Variants in INTS4 observed in about 807,000 individuals in gnomAD.
The protein encoded by INTS4 is MSTP093.
A neutral mutation model predicts 119.5 loss-of-function variants in INTS4; 70 were observed. The observed-to-expected ratio is 0.59, with a 90% CI of 0.48 to 0.71. INTS4 has a LOEUF of 0.71. Ranked by LOEUF, INTS4 falls within the 30% of genes least tolerant of loss-of-function variation. INTS4 has a pLI of 0.00. For missense variants in INTS4, 867 were observed against 1,173.2 expected (o/e 0.74, Z 3.81); for synonymous variants, 316 against 419.6 (o/e 0.75, Z 3.02).
chr11:77,993,274 C>T (rs372796466), intron 1 of INTS4, among the ~76,000 whole-genome samples: 1 of 152,144 alleles, frequency 6.6e-6, no homozygotes, highest in South Asian at 2.1e-4. Context: ...TAGATTAGTA[C>T]CACAGAATGC....
At chr11:77,983,746 A>G (rs1856336141) in intron 2 of INTS4, among the ~76,000 whole-genome samples, 1 of 152,224 alleles carries the variant, frequency 6.6e-6, no homozygotes, top group South Asian at 2.1e-4. Flanking sequence ...AAAACAGCAA[A>G]GCCACTGTGG....
chr11:77,886,081 C>A (rs934251721), intron 21 of INTS4, among the ~76,000 whole-genome samples: 3 of 151,836 alleles, frequency 2.0e-5, no homozygotes, highest in South Asian at 2.1e-4. Flanking sequence ...TGGTGTGTAT[C>A]TCTAGTTCCA....
chr11:77,923,576 C>A (rs1953419057), intron 12 of INTS4, among the ~76,000 whole-genome samples: 1 of 151,944 alleles, frequency 6.6e-6, no homozygotes, highest in African/African-American at 2.4e-5. Flanking sequence ...TTTTCATCTA[C>A]AAAATGAGAT....
intron 2 of INTS4, chr11:77,987,011 T>TA (rs1393211987): frequency 6.6e-6 from 1 of 152,136 alleles, no homozygotes; most frequent in African/African-American, 2.4e-5. Context: ...CTTCACCACT[T>TA]AAAGATATAA....
chr11:77,889,263 A>G (rs1246445809), intron 21 of INTS4, among the ~76,000 whole-genome samples: 1 of 152,082 alleles, frequency 6.6e-6, no homozygotes, highest in African/African-American at 2.4e-5. Flanking sequence ...TGATGAAACT[A>G]GAAACCATCA....
chr11:77,982,912 C>T (rs908333619), intron 2 of INTS4, among the ~76,000 whole-genome samples: 1 of 152,130 alleles, frequency 6.6e-6, no homozygotes, highest in African/African-American at 2.4e-5. Context: ...GGAGAAGGGG[C>T]AATAGATACA....
chr11:77,891,427 C>T lies in INTS4; in HGVS notation c.2484G>A (p.Ala828=), dbSNP rs749106537. 15 of 1,613,522 alleles carry T rather than the reference C, an allele frequency of 9.3e-6. No homozygotes were observed. The highest frequency in any genetic ancestry group is 8.8e-5 in the South Asian group (8 of 90,956). ...HKASATIIEP[A]GESDNPLRFT... is the part of the protein sequence containing the mutation. ...ACCGCAAAGGGTTGTCTGACTCGCCCGCTGGCTCGATGATGGTGGCTGAGG... is the reference window on the plus strand; with the variant it reads ...ACCGCAAAGGGTTGTCTGACTCGCCTGCTGGCTCGATGATGGTGGCTGAGG... The change falls in exon 21 of 23, where the codon GCG becomes GCA. Residue 828 remains alanine, a synonymous_variant. Transcript: ENST00000534064.
intron 22 of INTS4, among the ~76,000 whole-genome samples, chr11:77,881,540 G>T (rs552453894): frequency 6.6e-6 from 1 of 152,324 alleles, no homozygotes; most frequent in South Asian, 2.1e-4. Flanking sequence ...AGGTATGTGG[G>T]CCTCCATTTA....
At chr11:77,918,265 C>G (rs1429709172) in intron 15 of INTS4, 1 of 583,464 alleles carries the variant, frequency 1.7e-6, no homozygotes. Flanking sequence ...AACCTCGACT[C>G]TACAAAAAAA....
chr11:77,904,814 G>T (rs527461209), intron 16 of INTS4, among the ~76,000 whole-genome samples: 4 of 152,220 alleles, frequency 2.6e-5, no homozygotes, highest in Admixed American at 2.0e-4. Context: ...GCGTGTTTTG[G>T]GTTGTATGCA....
intron 8 of INTS4, among the ~76,000 whole-genome samples, chr11:77,942,739 G>A (rs1033663688): frequency 6.6e-6 from 1 of 152,134 alleles, no homozygotes; most frequent in African/African-American, 2.4e-5. Flanking sequence ...TGTTGGAGCA[G>A]GTCCTAGACA....
At chr11:77,973,553 GT>G (rs529525062) in intron 4 of INTS4, among the ~76,000 whole-genome samples, 15 of 147,364 alleles carry the variant, frequency 1.0e-4, no homozygotes, top group Non-Finnish European at 1.2e-4. Context: ...TGTCAGTTTT[GT>G]TTTTTTTTTA....
At chr11:77,919,819 T>C (rs1044716741) in intron 14 of INTS4, among the ~76,000 whole-genome samples, 2 of 151,980 alleles carry the variant, frequency 1.3e-5, no homozygotes, top group African/African-American at 4.8e-5. Context: ...TTGTCTTTTG[T>C]TTTTTTTGAG....
chr11:77,909,120 T>C (rs762941674), intron 15 of INTS4, among the ~76,000 whole-genome samples: 53 of 152,370 alleles, frequency 3.5e-4, no homozygotes, highest in South Asian at 8.3e-4. Flanking sequence ...AGGATGTTTA[T>C]AGCCCTGATT....
chr11:77,900,786 A>G (rs1952755956), intron 18 of INTS4: 1 of 595,976 alleles, frequency 1.7e-6, no homozygotes, highest in African/African-American at 1.9e-5. Flanking sequence ...AAATGTGGCA[A>G]TTCCAGTTAT....
intron 9 of INTS4, among the ~76,000 whole-genome samples, chr11:77,939,028 C>A (rs1953866511): frequency 1.3e-5 from 2 of 152,088 alleles, no homozygotes; most frequent in Non-Finnish European, 2.9e-5. Context: ...GCTGAAAGTA[C>A]CTAATTAAAG....
intron 19 of INTS4, among the ~76,000 whole-genome samples, chr11:77,893,545 G>A (rs1489397430): frequency 6.6e-6 from 1 of 152,102 alleles, no homozygotes; most frequent in Non-Finnish European, 1.5e-5. Context: ...CGAGTTCAAG[G>A]GTGCAGTGAG....
intron 4 of INTS4, among the ~76,000 whole-genome samples, chr11:77,967,483 T>C (rs986604639): frequency 1.3e-5 from 2 of 152,202 alleles, no homozygotes; most frequent in African/African-American, 2.4e-5. Context: ...CATTTTGTTA[T>C]GGCAGCCCTT....
At chr11:77,910,980 G>A (rs1158559215) in intron 15 of INTS4, 2 of 1,288,160 alleles carry the variant, frequency 1.6e-6, no homozygotes, top group African/African-American at 3.0e-5. Flanking sequence ...CTTAAGGTCT[G>A]AGTCACTTGG....
Sources: gnomAD v4.1 joint callset for allele counts (sites outside exome capture counted in the v4.1 genomes callset) on GRCh38, gnomAD v4.1.1 for gene constraint, MANE v1.5 for transcripts, NCBI Gene and HGNC (gene_info 2026-07-23, HGNC 2026-07-21) for gene names.